SPOCK3: variants seen among roughly 807,000 people sequenced by gnomAD.
The protein encoded by SPOCK3 is testican-3.
SPOCK3 carries 30 observed loss-of-function variants against 56.6 expected under a neutral mutation model. The observed-to-expected ratio is 0.53, with a 90% CI of 0.40 to 0.72. The LOEUF (loss-of-function observed/expected upper bound fraction) is 0.72, where lower values mean the gene tolerates loss of function less well. SPOCK3 is among the 30% of genes least tolerant of loss of function. The pLI, the probability that SPOCK3 is intolerant of heterozygous loss-of-function variation, is 0.00. For missense variants in SPOCK3, 527 were observed against 530.0 expected (o/e 0.99, Z 0.06); for synonymous variants, 196 against 183.3 (o/e 1.07, Z -0.56).
chr4:167,161,365 G>A (rs1015357556), intron 2 of SPOCK3, among the ~76,000 whole-genome samples: 1 of 152,088 alleles, frequency 6.6e-6, no homozygotes, highest in Non-Finnish European at 1.5e-5. Context: ...AGTTAGAATG[G>A]CAATCATTAA....
intron 7 of SPOCK3, among the ~76,000 whole-genome samples, chr4:166,785,420 G>A (rs1168646294): frequency 1.3e-5 from 2 of 152,138 alleles, no homozygotes; most frequent in Admixed American, 6.6e-5. Context: ...CAAGATTCAA[G>A]TAAAATACAA....
chr4:166,895,007 G>A (rs1032336562), intron 5 of SPOCK3, among the ~76,000 whole-genome samples: 2 of 151,866 alleles, frequency 1.3e-5, no homozygotes, highest in African/African-American at 4.8e-5. Flanking sequence ...TTTTAAAAAT[G>A]GAAAGATCAA....
intron 6 of SPOCK3, among the ~76,000 whole-genome samples, chr4:166,826,685 T>C (rs934888362): frequency 6.6e-6 from 1 of 152,150 alleles, no homozygotes; most frequent in Non-Finnish European, 1.5e-5. Context: ...CCTTGGATTA[T>C]GTGGGAATGC....
At chr4:166,923,358 T>C (rs748480217) in intron 4 of SPOCK3, among the ~76,000 whole-genome samples, 2 of 152,202 alleles carry the variant, frequency 1.3e-5, no homozygotes, top group Non-Finnish European at 2.9e-5. Flanking sequence ...CTCTTATGCT[T>C]TATAAGATGA....
At chr4:166,813,659 AAG>A (rs1301335549) in intron 6 of SPOCK3, among the ~76,000 whole-genome samples, 3 of 151,906 alleles carry the variant, frequency 2.0e-5, no homozygotes, top group Non-Finnish European at 4.4e-5. Flanking sequence ...TGAGGTAAAA[AAG>A]AAAATATATA....
intron 4 of SPOCK3, among the ~76,000 whole-genome samples, chr4:166,992,032 G>A (rs2150112988): frequency 6.6e-6 from 1 of 152,130 alleles, no homozygotes; most frequent in East Asian, 1.9e-4. Flanking sequence ...TCTTGTAATG[G>A]GTTTCTTTAC....
intron 2 of SPOCK3, among the ~76,000 whole-genome samples, chr4:167,148,026 A>C (rs573791699): frequency 3.9e-5 from 6 of 152,194 alleles, no homozygotes; most frequent in Non-Finnish European, 7.4e-5. Flanking sequence ...TGAGATCCAA[A>C]AAATGACCTC....
At chr4:166,951,718 A>C (rs1423218720) in intron 4 of SPOCK3, among the ~76,000 whole-genome samples, 1 of 143,496 alleles carries the variant, frequency 7.0e-6, no homozygotes. Context: ...GCAGCACATC[A>C]AAAAGCTTAT....
chr4:167,157,652 C>CT (rs71604471), intron 2 of SPOCK3, among the ~76,000 whole-genome samples: 40,956 of 149,410 alleles, frequency 0.27, 6,261 homozygotes, highest in African/African-American at 0.43. Context: ...TTGTTTAAAA[C>CT]TTTTTTTTTA....
intron 3 of SPOCK3, among the ~76,000 whole-genome samples, chr4:167,001,715 GAGAA>G (rs1002568204): frequency 2.0e-5 from 3 of 152,054 alleles, no homozygotes; most frequent in South Asian, 2.1e-4. Flanking sequence ...CCAAAAGTGA[GAGAA>G]AGAAACAATG....
In SPOCK3 at chr4:166,968,495, C is replaced by T. The variant is rs376620818; in HGVS notation, c.350+31854G>A. ...GCCCTACATCCCAGCTGCTCCAGCT[C>T]CAGCAATGACTAAACAGACCAAGGT... is the stretch of plus-strand genomic sequence containing the variant. On this transcript the variant is annotated intron_variant, in intron 4 of 10. Transcript: ENST00000357545. 2.6e-5 allele frequency among the ~76,000 whole-genome samples: 4 copies of T among 152,280 alleles called. No individual in the cohort carries two copies. The South Asian group carries it at 6.2e-4, about 24-fold the overall frequency.
At chr4:167,220,027 C>G (rs1227040159) in intron 2 of SPOCK3, among the ~76,000 whole-genome samples, 1 of 152,020 alleles carries the variant, frequency 6.6e-6, no homozygotes. Flanking sequence ...CATTACATCT[C>G]TCTTTGATAT....
At chr4:167,055,615 C>T (rs1754730917) in intron 3 of SPOCK3, among the ~76,000 whole-genome samples, 1 of 152,188 alleles carries the variant, frequency 6.6e-6, no homozygotes, top group South Asian at 2.1e-4. Flanking sequence ...TGCGCTTTTC[C>T]AACGGGCTTA....
intron 8 of SPOCK3, among the ~76,000 whole-genome samples, chr4:166,750,674 T>C (rs1481161309): frequency 6.6e-6 from 1 of 152,150 alleles, no homozygotes; most frequent in Non-Finnish European, 1.5e-5. Flanking sequence ...ATATTAGGAA[T>C]TGGTAATTTT....
chr4:166,912,641 A>C lies in SPOCK3; in HGVS notation c.453T>G (p.Asp151Glu). 6.2e-7 allele frequency: 1 copy of C among 1,613,754 alleles called. No homozygotes were observed. The highest frequency in any genetic ancestry group is 8.5e-7 in the Non-Finnish European group (1 of 1,179,796). The change falls in exon 5 of 11, where the codon GAT (aspartate) becomes GAG (glutamate). Residue 151 changes from aspartate (D) to glutamate (E), a missense_variant. Asp to Glu is a conservative substitution (Grantham distance 45, BLOSUM62 2). Coordinates refer to ENST00000357545, the MANE Select transcript of SPOCK3 (RefSeq NM_001040159.2). ...TTACCTGAAAAGAGTAGGTATGACC[A>C]TCTGAACCACAAACAGGGCTGGGAT... ...VVYPSPVCGS[D>E]GHTYSFQCKL...
chr4:167,232,258 T>C (rs1379535239), intron 2 of SPOCK3, among the ~76,000 whole-genome samples: 1 of 152,012 alleles, frequency 6.6e-6, no homozygotes, highest in East Asian at 1.9e-4. Context: ...AAATACATTT[T>C]AGAGAAGAAA....
rs565360215 is a variant in SPOCK3, at chr4:166,953,828, C to T, written c.351-41085G>A. ...GAAATCATCATTCTCAGTAAACTAT[C>T]GTAAGAACAAAAAACCAAACACCGC... On this transcript the variant is annotated intron_variant, in intron 4 of 10. Coordinates refer to ENST00000357545, the MANE Select transcript of SPOCK3 (RefSeq NM_001040159.2). 4.9e-5 allele frequency among the ~76,000 whole-genome samples: 5 copies of T among 101,866 alleles called. No homozygotes were observed. In the South Asian group the frequency reaches 1.7e-3, roughly 34 times the overall value. 66.8% of individuals were successfully genotyped at this position (101,866 alleles called of 152,430 possible).
chr4:167,151,094 T>G (rs1234049299), intron 2 of SPOCK3, among the ~76,000 whole-genome samples: 2 of 152,178 alleles, frequency 1.3e-5, no homozygotes, highest in East Asian at 3.8e-4. Flanking sequence ...GCGCTGCAAA[T>G]TAGAATCTGT....
intron 4 of SPOCK3, among the ~76,000 whole-genome samples, chr4:166,925,809 G>A (rs765558733): frequency 2.3e-4 from 35 of 152,102 alleles, no homozygotes; most frequent in Non-Finnish European, 4.4e-4. Flanking sequence ...AGTCAATGCT[G>A]TGCTTGTGAA....
Sources: allele counts gnomAD v4.1 joint callset (sites outside exome capture counted in the v4.1 genomes callset), GRCh38; gene constraint gnomAD v4.1.1; transcripts MANE v1.5; gene names NCBI Gene and HGNC (gene_info 2026-07-23, HGNC 2026-07-21).